The following KIAA1217 variants were observed in gnomAD, a reference collection of about 807,000 sequenced individuals.
KIAA1217 encodes the protein sickle tail protein homolog.
A neutral mutation model predicts 163.9 loss-of-function variants in KIAA1217; 88 were observed. The ratio of observed to expected loss-of-function variants is 0.54; its 90% CI spans 0.45 to 0.64. The LOEUF is 0.64. Among genes scored for constraint, KIAA1217 ranks in the 30% least tolerant of loss-of-function variants. The pLI, the probability that KIAA1217 is intolerant of heterozygous loss-of-function variation, is 0.00. For synonymous variants in KIAA1217, 903 were observed against 923.1 expected (o/e 0.98, Z 0.39); for missense variants, 2,372 against 2,475.0 (o/e 0.96, Z 0.88).
At chr10:23,878,719 A>G (rs964546082) in intron 1 of KIAA1217, among the ~76,000 whole-genome samples, 2 of 151,928 alleles carry the variant, frequency 1.3e-5, no homozygotes, top group African/African-American at 4.8e-5. Context: ...AGAAGTAAGG[A>G]GCAGGAGGTG....
At chr10:24,269,150 G>GTA (rs1399639890) in intron 2 of KIAA1217, among the ~76,000 whole-genome samples, 2 of 137,400 alleles carry the variant, frequency 1.5e-5, no homozygotes, top group Non-Finnish European at 3.1e-5. Context: ...CATGGCACAT[G>GTA]TATACATATG....
At chr10:24,188,372 C>T (rs924135387) in intron 2 of KIAA1217, among the ~76,000 whole-genome samples, 5 of 152,184 alleles carry the variant, frequency 3.3e-5, no homozygotes, top group African/African-American at 1.2e-4. Flanking sequence ...AATGAGCTTT[C>T]CAATACTTTC....
Position 24,311,357 on chromosome 10 carries a change from G to A in KIAA1217, c.355-69512G>A, listed in dbSNP as rs142798213. ...TTGAAGTGTCTTGAGGGTGGTGAAC[G>A]GGTCCTCGCTGGGCTTGTCTCTGAG... On this transcript the variant is annotated intron_variant, in intron 2 of 20. Transcript: ENST00000376454. Among the ~76,000 whole-genome samples the A allele has an allele frequency of 8.9e-4, 135 of 152,266 alleles. 1 individual carries two copies. Among genetic ancestry groups the A allele is most frequent in the African/African-American group, 3.1e-3 (127 of 41,552 alleles).
intron 1 of KIAA1217, among the ~76,000 whole-genome samples, chr10:23,917,279 A>T (rs1027619362): frequency 1.3e-5 from 2 of 152,124 alleles, no homozygotes; most frequent in African/African-American, 4.8e-5. Context: ...CTGAATTGCA[A>T]TTTCCAAAAC....
chr10:23,889,792 G>T (rs1164440801), intron 1 of KIAA1217, among the ~76,000 whole-genome samples: 1 of 151,700 alleles, frequency 6.6e-6, no homozygotes, highest in Admixed American at 6.6e-5. Flanking sequence ...TCCTTGTTTT[G>T]TTCAGAAATA....
At chr10:24,038,136 C>G (rs1848476097) in intron 2 of KIAA1217, among the ~76,000 whole-genome samples, 1 of 152,104 alleles carries the variant, frequency 6.6e-6, no homozygotes, top group South Asian at 2.1e-4. Context: ...TCTATTCTTT[C>G]TTTGGTTTAA....
chr10:24,330,840 T>C (rs1178264612), intron 2 of KIAA1217, among the ~76,000 whole-genome samples: 1 of 152,108 alleles, frequency 6.6e-6, no homozygotes, highest in East Asian at 1.9e-4. Flanking sequence ...TCTTGAACTC[T>C]TGGGCTCAAG....
intron 2 of KIAA1217, among the ~76,000 whole-genome samples, chr10:24,074,877 C>T (rs1384104574): frequency 6.6e-6 from 1 of 151,736 alleles, no homozygotes; most frequent in African/African-American, 2.4e-5. Flanking sequence ...TTTTGTATTT[C>T]TTGTAAAGAT....
chr10:24,037,019 T>C (rs1428064594), intron 2 of KIAA1217, among the ~76,000 whole-genome samples: 2 of 152,160 alleles, frequency 1.3e-5, no homozygotes, highest in Non-Finnish European at 2.9e-5. Flanking sequence ...AGGAGATCCG[T>C]AGGGCCCTGG....
intron 9 of KIAA1217, among the ~76,000 whole-genome samples, chr10:24,512,095 C>A (rs1337529706): frequency 1.3e-5 from 2 of 152,132 alleles, no homozygotes; most frequent in Admixed American, 1.3e-4. Flanking sequence ...ATGTTGGGAC[C>A]TAATGGTGGT....
chr10:24,498,465 CAAA>C (rs1374539394), intron 8 of KIAA1217, among the ~76,000 whole-genome samples: 20 of 151,958 alleles, frequency 1.3e-4, no homozygotes, highest in African/African-American at 4.6e-4. Flanking sequence ...TGACATGTAC[CAAA>C]TATAGGAGAT....
intron 2 of KIAA1217, among the ~76,000 whole-genome samples, chr10:24,275,388 CTG>C (rs1233237530): frequency 1.3e-5 from 2 of 152,308 alleles, no homozygotes; most frequent in South Asian, 2.1e-4. Context: ...ACTAAAAAGA[CTG>C]TGGAAAGGGT....
chr10:24,446,577 G>A (rs1490490446), intron 5 of KIAA1217, among the ~76,000 whole-genome samples: 2 of 152,034 alleles, frequency 1.3e-5, no homozygotes, highest in Non-Finnish European at 2.9e-5. Context: ...CCACAGAAAT[G>A]GAAGTTTCAG....
intron 2 of KIAA1217, among the ~76,000 whole-genome samples, chr10:24,305,741 A>G (rs1442381384): frequency 6.6e-6 from 1 of 152,054 alleles, no homozygotes; most frequent in Non-Finnish European, 1.5e-5. Flanking sequence ...AGCAGGTGGG[A>G]TTAGGTTGAG....
At chr10:24,148,816 A>G (rs1343367628) in intron 2 of KIAA1217, among the ~76,000 whole-genome samples, 1 of 152,200 alleles carries the variant, frequency 6.6e-6, no homozygotes, top group Non-Finnish European at 1.5e-5. Context: ...ACTAACACAC[A>G]TCATGAATTG....
At chr10:23,970,805 G>A (rs754108607) in intron 1 of KIAA1217, among the ~76,000 whole-genome samples, 3 of 152,188 alleles carry the variant, frequency 2.0e-5, no homozygotes, top group Non-Finnish European at 4.4e-5. Context: ...ATAGGCATAG[G>A]TGGCTGGACA....
intron 5 of KIAA1217, among the ~76,000 whole-genome samples, chr10:24,455,306 A>G (rs905778970): frequency 6.6e-6 from 1 of 152,216 alleles, no homozygotes; most frequent in Non-Finnish European, 1.5e-5. Context: ...TAATATAAAA[A>G]CTACCCAAAT....
chr10:24,062,960 A>G (rs1163052807), intron 2 of KIAA1217, among the ~76,000 whole-genome samples: 5 of 150,736 alleles, frequency 3.3e-5, no homozygotes, highest in African/African-American at 7.3e-5. Flanking sequence ...GTCTGTTCAT[A>G]TCCTTCGCCC....
chr10:23,806,996 A>T (rs891498767), intron 1 of KIAA1217, among the ~76,000 whole-genome samples: 1 of 152,188 alleles, frequency 6.6e-6, no homozygotes, highest in Non-Finnish European at 1.5e-5. Flanking sequence ...CTAACGAAGC[A>T]CACAAACTAT....
Sources: allele counts gnomAD v4.1 joint callset (sites outside exome capture counted in the v4.1 genomes callset), GRCh38; gene constraint gnomAD v4.1.1; transcripts MANE v1.5; gene names NCBI Gene and HGNC (gene_info 2026-07-23, HGNC 2026-07-21).